The following MALRD1 variants were observed in gnomAD, a reference collection of about 807,000 sequenced individuals.
MALRD1 encodes the protein MAM and LDL receptor class A domain containing 1.
In MALRD1, 247 loss-of-function variants were observed where a neutral mutation model predicts 242.1. The observed-to-expected ratio is 1.02, with a 90% CI of 0.92 to 1.13. MALRD1 has a LOEUF of 1.13. Ranked by LOEUF, MALRD1 falls within the 50% of genes most tolerant of loss-of-function variation. MALRD1 has a pLI of 0.00. For synonymous variants in MALRD1, 995 were observed against 866.6 expected (o/e 1.15, Z -2.60); for missense variants, 2,989 against 2,533.1 (o/e 1.18, Z -3.86).
Position 19,205,534 on chromosome 10 carries a change from A to T in MALRD1, c.2578+269A>T, listed in dbSNP as rs77184502. On this transcript the variant is annotated intron_variant, in intron 17 of 39. Transcript: ENST00000454679. Reference sequence around the variant, plus strand: ...GAGCTTACAATCTTACTGAAAGACAAATATCTAAATATTTAATAAAGAAAA... The same window carrying T: ...GAGCTTACAATCTTACTGAAAGACATATATCTAAATATTTAATAAAGAAAA... Among the ~76,000 whole-genome samples, 94 of 152,040 alleles carry T rather than the reference A, an allele frequency of 6.2e-4. 1 individual carries two copies. The East Asian group carries it at 0.014, about 22-fold the overall frequency.
intron 21 of MALRD1, among the ~76,000 whole-genome samples, chr10:19,283,669 T>C (rs1840940180): frequency 1.3e-5 from 2 of 152,308 alleles, no homozygotes; most frequent in Admixed American, 6.5e-5. Context: ...ATTTTCAACA[T>C]AGGTGAAAAG....
chr10:19,482,736 G>A (rs12218651), intron 29 of MALRD1, among the ~76,000 whole-genome samples: 43,432 of 150,080 alleles, frequency 0.29, 6,406 homozygotes, highest in East Asian at 0.41. Flanking sequence ...TAACCAAGGA[G>A]GTGAAAGATA....
chr10:19,491,579 A>AT lies in MALRD1; in HGVS notation c.5094dup (p.Ala1699CysfsTer7). On this transcript the variant is annotated frameshift_variant, in exon 30 of 40. Coordinates refer to ENST00000454679, the MANE Select transcript of MALRD1 (RefSeq NM_001142308.3). LOFTEE classifies it high-confidence loss of function. ...TTTTTTGTGCCGGGACAAGAAGTGCATTGCATCCCACCTTCTTTGTGACTA... is the reference window on the plus strand; with the variant it reads ...TTTTTTGTGCCGGGACAAGAAGTGCATTTGCATCCCACCTTCTTTGTGACTA... 6.5e-7 allele frequency: 1 copy of AT among 1,550,246 alleles called. No individual in the cohort carries two copies. Among genetic ancestry groups the AT allele is most frequent in the East Asian group, 2.4e-5 (1 of 40,894 alleles).
At chr10:19,548,091 C>G (rs1276533737) in intron 32 of MALRD1, among the ~76,000 whole-genome samples, 3 of 148,344 alleles carry the variant, frequency 2.0e-5, no homozygotes. Flanking sequence ...ACCTCCACCT[C>G]CCAGTTCAGG....
rs905927010 is a variant in MALRD1 at position 19,400,433 on chromosome 10, AGTTCT to A, written c.4845+10830_4845+10834del. Among the ~76,000 whole-genome samples, 31 of 152,242 alleles carry A rather than the reference AGTTCT, an allele frequency of 2.0e-4. 1 individual carries two copies. Among genetic ancestry groups the A allele is most frequent in the Admixed American group, 2.0e-3 (31 of 15,290 alleles). ...CTGCATGATGACTGAGTATGTGAAA[AGTTCT>A]GTTCTCCAGCGACAAGGGAGGCTTC... On this transcript the variant is annotated intron_variant, in intron 28 of 39. Coordinates refer to ENST00000454679, the MANE Select transcript of MALRD1 (RefSeq NM_001142308.3).
intron 14 of MALRD1, among the ~76,000 whole-genome samples, chr10:19,184,209 C>G (rs1835642379): frequency 6.6e-6 from 1 of 152,178 alleles, no homozygotes; most frequent in Non-Finnish European, 1.5e-5. Flanking sequence ...GACAAATACT[C>G]TGTATGTTTT....
intron 38 of MALRD1, among the ~76,000 whole-genome samples, chr10:19,713,315 C>T (rs1383717726): frequency 5.3e-5 from 8 of 152,184 alleles, no homozygotes; most frequent in Non-Finnish European, 1.2e-4. Context: ...CTTATCTGAT[C>T]CTGGAACCAT....
chr10:19,588,835 G>T (rs537749455), intron 33 of MALRD1, among the ~76,000 whole-genome samples: 23 of 152,208 alleles, frequency 1.5e-4, no homozygotes, highest in African/African-American at 5.5e-4. Context: ...TAGAGATAGG[G>T]TTTCACCACG....
At chr10:19,289,773 C>G in intron 21 of MALRD1, among the ~76,000 whole-genome samples, 1 of 152,108 alleles carries the variant, frequency 6.6e-6, no homozygotes, top group East Asian at 1.9e-4. Flanking sequence ...TTTTCTCTCT[C>G]AGGCATCTTG....
chr10:19,287,742 A>C (rs544261357), intron 21 of MALRD1, among the ~76,000 whole-genome samples: 1 of 152,272 alleles, frequency 6.6e-6, no homozygotes, highest in Admixed American at 6.6e-5. Context: ...ACTGTGTTCT[A>C]TGATGTTGAG....
At chr10:19,246,707 C>G (rs921721216) in intron 18 of MALRD1, among the ~76,000 whole-genome samples, 1 of 152,102 alleles carries the variant, frequency 6.6e-6, no homozygotes, top group Non-Finnish European at 1.5e-5. Flanking sequence ...AAAGTCCATC[C>G]TGTTGAGCTG....
chr10:19,346,367 A>G (rs1423422014), intron 24 of MALRD1, among the ~76,000 whole-genome samples: 5 of 152,148 alleles, frequency 3.3e-5, no homozygotes, highest in Admixed American at 2.6e-4. Context: ...CAAATCCCTG[A>G]GTGTTTTGAT....
chr10:19,283,376 C>T (rs1266667696), intron 21 of MALRD1, among the ~76,000 whole-genome samples, 195 bp downstream of exon 21: 1 of 152,154 alleles, frequency 6.6e-6, no homozygotes. Flanking sequence ...TTGTGAATTT[C>T]ATAGAAACCG....
intron 22 of MALRD1, among the ~76,000 whole-genome samples, chr10:19,326,061 TC>T (rs1471392451): frequency 6.6e-6 from 1 of 152,138 alleles, no homozygotes; most frequent in Non-Finnish European, 1.5e-5. Context: ...ATGTGAGACT[TC>T]GTTCTGAAAA....
At chr10:19,293,550 C>G (rs1380970216) in intron 21 of MALRD1, among the ~76,000 whole-genome samples, 1 of 152,198 alleles carries the variant, frequency 6.6e-6, no homozygotes, top group Admixed American at 6.5e-5. Flanking sequence ...GATATTTTAT[C>G]TGGATAATTT....
chr10:19,612,741 C>A (rs61841438), intron 35 of MALRD1, among the ~76,000 whole-genome samples: 5,216 of 151,890 alleles, frequency 0.034, 118 homozygotes, highest in East Asian at 0.091. Context: ...TTCACTTGGC[C>A]GGCAGGAGAG....
At chr10:19,337,201 AT>A (rs1843652043) in intron 24 of MALRD1, among the ~76,000 whole-genome samples, 1 of 152,146 alleles carries the variant, frequency 6.6e-6, no homozygotes, top group Non-Finnish European at 1.5e-5. Context: ...AAGCTAGACA[AT>A]TTGTTAAGTA....
chr10:19,190,349 G>A (rs570799708), intron 14 of MALRD1, among the ~76,000 whole-genome samples: 5 of 152,134 alleles, frequency 3.3e-5, no homozygotes, highest in South Asian at 2.1e-4. Flanking sequence ...ATCAGAAGAC[G>A]TAATATTCTT....
intron 29 of MALRD1, among the ~76,000 whole-genome samples, chr10:19,459,886 C>T (rs986517133): frequency 6.6e-6 from 1 of 151,480 alleles, no homozygotes; most frequent in African/African-American, 2.4e-5. Flanking sequence ...AATTATTTGA[C>T]CAGACATTTT....
Sources: allele counts gnomAD v4.1 joint callset (sites outside exome capture counted in the v4.1 genomes callset), GRCh38; gene constraint gnomAD v4.1.1; transcripts MANE v1.5; gene names NCBI Gene and HGNC (gene_info 2026-07-23, HGNC 2026-07-21).